The following COLEC12 variants were observed in gnomAD, a reference collection of about 807,000 sequenced individuals.
The protein encoded by COLEC12 is collectin-12.
COLEC12 carries 33 observed loss-of-function variants against 71.1 expected under a neutral mutation model. The ratio of observed to expected loss-of-function variants is 0.46; its 90% CI spans 0.35 to 0.62. COLEC12 has a LOEUF of 0.62. COLEC12 is among the 20% of genes least tolerant of loss of function. COLEC12 has a pLI of 0.00. For synonymous variants in COLEC12, 350 were observed against 353.0 expected, an observed-to-expected ratio of 0.99 and a Z score of 0.10; for missense variants, 765 against 916.1, an observed-to-expected ratio of 0.84 and a Z score of 2.13.
chr18:320,440 C>T (rs1209759667), intron 9 of COLEC12, among the ~76,000 whole-genome samples: 1 of 152,158 alleles, frequency 6.6e-6, no homozygotes, highest in Non-Finnish European at 1.5e-5. Context: ...TCTTAAGGTC[C>T]CTAGCACTTG....
chr18:357,104 G>C (rs1914643603), intron 3 of COLEC12, among the ~76,000 whole-genome samples: 1 of 152,076 alleles, frequency 6.6e-6, no homozygotes, highest in South Asian at 2.1e-4. Flanking sequence ...AAAAAAAATA[G>C]AGGAAGAAGG....
chr18:318,493 T>C lies in COLEC12; in HGVS notation c.*1552A>G, dbSNP rs1009428240. ...AAGATGGGCTCAGAGGAAAGGTTTT[T>C]TTTTTTTTTTTTTTTTTGAGATGGA... On this transcript the variant is annotated 3_prime_UTR_variant, in exon 10 of 10. Coordinates refer to ENST00000400256, the MANE Select transcript of COLEC12 (RefSeq NM_130386.3). 1 of 141,006 alleles carries C rather than the reference T, an allele frequency of 7.1e-6. No homozygotes were observed. The highest frequency in any genetic ancestry group is 1.6e-5 in the Non-Finnish European group (1 of 64,506). The allele number at this position is 141,006 out of a possible 1,614,324, so 8.7% of individuals were successfully genotyped here.
intron 5 of COLEC12, among the ~76,000 whole-genome samples, chr18:343,469 A>G (rs993544617): frequency 1.3e-4 from 19 of 149,386 alleles, no homozygotes; most frequent in African/African-American, 4.7e-4. Flanking sequence ...CAAGTCACCA[A>G]CAGCTGGTCC....
chr18:321,766 T>C lies in COLEC12; in HGVS notation c.2105A>G (p.His702Arg), dbSNP rs772929526. 93 of 1,614,098 alleles carry C rather than the reference T, an allele frequency of 5.8e-5. 2 individuals are homozygous for C. The South Asian group carries it at 9.4e-4, about 16-fold the overall frequency. ...CCCAGCACAGTCTTCTCCTGGCCCA[T>C]GGCCATGACCCCAGTTATCCGGCTG... is the stretch of plus-strand genomic sequence containing the variant. ...AGQPDNWGHG[H>R]GPGEDCAGLI... The change falls in exon 9 of 10, where the codon CAT becomes CGT. Residue 702 changes from histidine to arginine, a missense_variant. Coordinates refer to ENST00000400256, the MANE Select transcript of COLEC12 (RefSeq NM_130386.3).
At position 380,722 on chromosome 18, in the gene COLEC12, G is replaced by A. The variant is rs187154574; in HGVS notation, c.59-23200C>T. On this transcript the variant is annotated intron_variant, in intron 2 of 9. Transcript: ENST00000400256. ...GCCCCAGTGATAATATGGATGTGAC[G>A]GAAAGAAGTGAGCTGTACATCAGAA... 7.2e-5 allele frequency among the ~76,000 whole-genome samples: 11 copies of A among 152,230 alleles called. No individual in the cohort carries two copies. In the East Asian group the frequency reaches 1.4e-3, roughly 19 times the overall value.
intron 2 of COLEC12, among the ~76,000 whole-genome samples, chr18:435,155 A>G (rs1249682499): frequency 6.6e-6 from 1 of 152,244 alleles, no homozygotes; most frequent in Non-Finnish European, 1.5e-5. Flanking sequence ...CATTATTAAT[A>G]TTCACAAAAA....
In COLEC12 at chr18:321,667, T is replaced by C; in HGVS notation, c.2204A>G (p.Glu735Gly). ...VNNFICEKDR[E>G]TVLSSAL The stretch of plus-strand genomic sequence containing the variant: ...AAATCCCATCTACTGCTCACCTGTC[T>C]CCCTGTCTTTTTCGCAAATGAAGTT... Residue 735 changes from glutamate to glycine, a missense_variant, in exon 9 of 10, where the codon GAG (glutamate) becomes GGG (glycine). Glu to Gly is a moderately conservative substitution (Grantham distance 98, BLOSUM62 -2). Transcript: ENST00000400256. 8 of 1,614,212 alleles carry C rather than the reference T, an allele frequency of 5.0e-6. No individual in the cohort carries two copies. The highest frequency in any genetic ancestry group is 6.8e-6 in the Non-Finnish European group (8 of 1,180,032).
intron 8 of COLEC12, among the ~76,000 whole-genome samples, chr18:323,148 C>T (rs901316883): frequency 2.0e-5 from 3 of 152,164 alleles, no homozygotes; most frequent in African/African-American, 7.2e-5. Flanking sequence ...TTGCTTGAAT[C>T]CAGGAGGTGG....
intron 2 of COLEC12, among the ~76,000 whole-genome samples, chr18:417,777 C>T (rs2143647790): frequency 6.6e-6 from 1 of 152,360 alleles, no homozygotes; most frequent in African/African-American, 2.4e-5. Flanking sequence ...ATTTCACATG[C>T]ATCAGGAGAA....
chr18:329,405 G>T (rs553460037), intron 8 of COLEC12, among the ~76,000 whole-genome samples: 2 of 152,020 alleles, frequency 1.3e-5, no homozygotes, highest in Non-Finnish European at 2.9e-5. Context: ...AAAAGACCCC[G>T]GCGCTCTTGG....
At chr18:324,183 G>A (rs987848108) in intron 8 of COLEC12, among the ~76,000 whole-genome samples, 1 of 152,132 alleles carries the variant, frequency 6.6e-6, no homozygotes, top group Non-Finnish European at 1.5e-5. Flanking sequence ...ATCACATGGA[G>A]TGATTTGTGG....
intron 8 of COLEC12, among the ~76,000 whole-genome samples, 162 bp downstream of exon 8, chr18:331,506 G>A (rs505110): frequency 0.33 from 50,401 of 152,082 alleles, 8,954 homozygotes; most frequent in East Asian, 0.57. Context: ...TGTCAACCAC[G>A]ATTTCCCCAG....
intron 2 of COLEC12, among the ~76,000 whole-genome samples, chr18:374,171 GCAAA>G: frequency 6.6e-6 from 1 of 152,298 alleles, no homozygotes; most frequent in African/African-American, 2.4e-5. Context: ...GAGAAAAGCG[GCAAA>G]CAGAGCTTGG....
chr18:383,034 G>C (rs1350127013), intron 2 of COLEC12, among the ~76,000 whole-genome samples: 1 of 152,076 alleles, frequency 6.6e-6, no homozygotes, highest in Non-Finnish European at 1.5e-5. Context: ...CCTCCATGCT[G>C]TCCATTTTAC....
At chr18:428,536 G>A (rs950578653) in intron 2 of COLEC12, among the ~76,000 whole-genome samples, 1 of 152,096 alleles carries the variant, frequency 6.6e-6, no homozygotes, top group Non-Finnish European at 1.5e-5. Context: ...CTGCTATTAT[G>A]CCTTAAAAAA....
intron 2 of COLEC12, among the ~76,000 whole-genome samples, chr18:371,448 G>C (rs1043774406): frequency 3.9e-5 from 6 of 152,152 alleles, no homozygotes; most frequent in Non-Finnish European, 8.8e-5. Context: ...ACAAATCACG[G>C]AAGAGAAATG....
rs1913868343 is a variant in COLEC12, at chr18:327,341, G to A, written c.2063+4327C>T. On this transcript the variant is annotated intron_variant, in intron 8 of 9. Coordinates refer to ENST00000400256, the MANE Select transcript of COLEC12 (RefSeq NM_130386.3). This position sits in a 1 kb window ranked among gnomAD's most constrained non-coding sequence, Gnocchi z 4.0. ...AATCCTGCTGATCTGTGTTGGCCCT[G>A]CCAGTCTTTCTTTTGAAATTGTATT... 6.6e-6 allele frequency among the ~76,000 whole-genome samples: 1 copy of A among 152,156 alleles called. No homozygotes were observed. Among genetic ancestry groups the A allele is most frequent in the African/African-American group, 2.4e-5 (1 of 41,426 alleles).
At chr18:347,652 A>G (rs1274305417) in intron 4 of COLEC12, among the ~76,000 whole-genome samples, 3 of 152,174 alleles carry the variant, frequency 2.0e-5, no homozygotes, top group African/African-American at 4.8e-5. Flanking sequence ...AAATTTCCCA[A>G]ATTTTTTTTT....
chr18:409,892 T>C (rs1261619522), intron 2 of COLEC12, among the ~76,000 whole-genome samples: 1 of 152,218 alleles, frequency 6.6e-6, no homozygotes, highest in Non-Finnish European at 1.5e-5. Context: ...AGATCATCTC[T>C]GTCCTCATTG....
Sources: allele counts gnomAD v4.1 joint callset (sites outside exome capture counted in the v4.1 genomes callset), GRCh38; gene constraint gnomAD v4.1.1; non-coding constraint Gnocchi (gnomAD v3.1); transcripts MANE v1.5; gene names NCBI Gene and HGNC (gene_info 2026-07-23, HGNC 2026-07-21).